ZFPM2: variants seen among roughly 807,000 people sequenced by gnomAD.
ZFPM2 encodes zinc finger protein ZFPM2.
A neutral mutation model predicts 98.6 loss-of-function variants in ZFPM2; 20 were observed. The ratio of observed to expected loss-of-function variants is 0.20; its 90% confidence interval spans 0.14 to 0.29. ZFPM2 has a LOEUF of 0.29. Ranked by LOEUF, ZFPM2 falls within the 10% of genes least tolerant of loss-of-function variation. The pLI is 1.00. For synonymous variants in ZFPM2, 518 were observed against 502.7 expected, an observed-to-expected ratio of 1.03 and a Z score of -0.41; for missense variants, 1,310 against 1,388.6, an observed-to-expected ratio of 0.94 and a Z score of 0.90.
chr8:105,401,741 G>C (rs1388744004), intron 1 of ZFPM2, among the ~76,000 whole-genome samples: 1 of 152,024 alleles, frequency 6.6e-6, no homozygotes, highest in East Asian at 1.9e-4. Context: ...TTTATGAAAA[G>C]GGGTACTTAC....
At chr8:105,762,482 G>T (rs764546927) in intron 5 of ZFPM2, among the ~76,000 whole-genome samples, 2 of 151,840 alleles carry the variant, frequency 1.3e-5, no homozygotes, top group Non-Finnish European at 2.9e-5. Flanking sequence ...CTTCATTTTG[G>T]TGTCACCTAT....
chr8:105,763,238 T>A (rs1203725306), intron 5 of ZFPM2, among the ~76,000 whole-genome samples: 2 of 151,820 alleles, frequency 1.3e-5, no homozygotes, highest in Non-Finnish European at 2.9e-5. Flanking sequence ...ATTTCTAGCA[T>A]ACAGAATATT....
chr8:105,444,955 G>A (rs1409583680), intron 3 of ZFPM2, among the ~76,000 whole-genome samples: 1 of 152,074 alleles, frequency 6.6e-6, no homozygotes, highest in African/African-American at 2.4e-5. Flanking sequence ...ATAAATGTAT[G>A]TAAATATATA....
At chr8:105,400,556 A>G (rs1205337273) in intron 1 of ZFPM2, among the ~76,000 whole-genome samples, 4 of 152,164 alleles carry the variant, frequency 2.6e-5, no homozygotes, top group Non-Finnish European at 2.9e-5. Context: ...TTTATTGTTT[A>G]TTAAATTCTT....
intron 5 of ZFPM2, among the ~76,000 whole-genome samples, chr8:105,639,238 T>C (rs960193560): frequency 1.3e-5 from 2 of 152,116 alleles, no homozygotes; most frequent in Non-Finnish European, 2.9e-5. Context: ...GACCTTTTCA[T>C]ATGAAAAACA....
At chr8:105,491,846 A>G (rs115901115) in intron 3 of ZFPM2, among the ~76,000 whole-genome samples, 107 of 152,364 alleles carry the variant, frequency 7.0e-4, no homozygotes, top group African/African-American at 2.4e-3. Context: ...TATAGATAAT[A>G]TGCAAAAATT....
At chr8:105,477,945 T>C (rs1218868361) in intron 3 of ZFPM2, among the ~76,000 whole-genome samples, 2 of 152,224 alleles carry the variant, frequency 1.3e-5, no homozygotes, top group Non-Finnish European at 2.9e-5. Context: ...AAGGGTTGTA[T>C]TCATCACTTT....
intron 1 of ZFPM2, among the ~76,000 whole-genome samples, chr8:105,350,112 G>A (rs1047419621): frequency 6.6e-6 from 1 of 152,080 alleles, no homozygotes; most frequent in African/African-American, 2.4e-5. Flanking sequence ...TGGTGCAGGA[G>A]GAAAGGATAA....
chr8:105,318,567 C>A lies in ZFPM2; in HGVS notation c.-375C>A. 6.6e-6 allele frequency: 1 copy of A among 151,316 alleles called. No homozygotes were observed. The allele number at this position is 151,316 out of a possible 1,614,324, so 9.4% of individuals were successfully genotyped here. A position where few individuals can be genotyped will look rare whatever the true frequency, so the allele number is the denominator to read the frequency against. On this transcript the variant is annotated 5_prime_UTR_variant, in exon 1 of 8. It adds an upstream start codon to the 5' untranslated region. Coordinates refer to ENST00000407775, the MANE Select transcript of ZFPM2 (RefSeq NM_012082.4). ...CGCCCCCGCGCTCCCCCTCTCCTCG[C>A]TGCTCGCTCTCCCGTCCCTCCCTCC... is the stretch of plus-strand genomic sequence containing the variant.
intron 3 of ZFPM2, among the ~76,000 whole-genome samples, chr8:105,491,449 A>G (rs572261768): frequency 4.6e-5 from 7 of 152,212 alleles, no homozygotes; most frequent in Non-Finnish European, 1.0e-4. Context: ...AACCATGGAT[A>G]AAGACATGTT....
intron 3 of ZFPM2, among the ~76,000 whole-genome samples, chr8:105,513,011 A>G (rs1400535561): frequency 6.6e-6 from 1 of 152,032 alleles, no homozygotes; most frequent in Non-Finnish European, 1.5e-5. Flanking sequence ...AGTTTGTTTT[A>G]AGTGTTAACT....
intron 5 of ZFPM2, among the ~76,000 whole-genome samples, chr8:105,770,151 G>A (rs1431581704): frequency 6.6e-6 from 1 of 151,886 alleles, no homozygotes; most frequent in African/African-American, 2.4e-5. Flanking sequence ...GAGAATACTG[G>A]AAAAAAATTG....
chr8:105,614,554 T>C (rs1586150919), intron 4 of ZFPM2, among the ~76,000 whole-genome samples: 1 of 152,268 alleles, frequency 6.6e-6, no homozygotes, highest in South Asian at 2.1e-4. Context: ...GCATTCATGA[T>C]GTTACTTGTG....
intron 3 of ZFPM2, among the ~76,000 whole-genome samples, chr8:105,546,892 A>G (rs1814718512): frequency 6.6e-6 from 1 of 152,310 alleles, no homozygotes; most frequent in African/African-American, 2.4e-5. Flanking sequence ...TATAAAATTT[A>G]CTTTAATAAT....
At chr8:105,399,209 A>C (rs1586344493) in intron 1 of ZFPM2, among the ~76,000 whole-genome samples, 1 of 152,178 alleles carries the variant, frequency 6.6e-6, no homozygotes, top group East Asian at 1.9e-4. Flanking sequence ...TAGACAGAAG[A>C]CATAAAAGCA....
chr8:105,475,900 G>A (rs1813003786), intron 3 of ZFPM2, among the ~76,000 whole-genome samples: 1 of 152,138 alleles, frequency 6.6e-6, no homozygotes, highest in African/African-American at 2.4e-5. Flanking sequence ...TAAGAAAGTG[G>A]TGCTCAAAAT....
chr8:105,529,948 C>G lies in ZFPM2; in HGVS notation c.302-31415C>G, dbSNP rs564167561. On this transcript the variant is annotated intron_variant, in intron 3 of 7. Transcript: ENST00000407775. ...GTTTCACCATGTTGGTCAGGCTGGT[C>G]TAGAACTCCTGACCTCAAGTGATCC... is the stretch of plus-strand genomic sequence containing the variant. Among the ~76,000 whole-genome samples the G allele has an allele frequency of 2.1e-3, 318 of 152,174 alleles. 2 individuals carry two copies. Among genetic ancestry groups the G allele is most frequent in the Non-Finnish European group, 3.2e-3 (218 of 68,004 alleles).
chr8:105,801,225 C>T lies in ZFPM2; in HGVS notation c.1143C>T (p.His381=), dbSNP rs576319877. Residue 381 remains histidine (H), a synonymous_variant, in exon 8 of 8, where the codon CAC becomes CAT. Transcript: ENST00000407775. ...AGACTCAGAGGGAGTTATTGCAGCA[C>T]CAGGAGCTCCATGTCCCTAGCGGCA... The part of the protein sequence containing the change: ...GFQTQRELLQ[H]QELHVPSGKL... 6.2e-7 allele frequency: 1 copy of T among 1,613,946 alleles called. No individual in the cohort carries two copies. Among genetic ancestry groups the T allele is most frequent in the East Asian group, 2.2e-5 (1 of 44,872 alleles).
chr8:105,691,519 A>T (rs1039848029), intron 5 of ZFPM2, among the ~76,000 whole-genome samples: 5 of 122,082 alleles, frequency 4.1e-5, no homozygotes, highest in African/African-American at 1.7e-4. Flanking sequence ...AAGTGCTGGG[A>T]TTACAGGCGT....
Sources: gnomAD v4.1 joint callset for allele counts (sites outside exome capture counted in the v4.1 genomes callset) on GRCh38, gnomAD v4.1.1 for gene constraint, MANE v1.5 for transcripts, NCBI Gene and HGNC (gene_info 2026-07-23, HGNC 2026-07-21) for gene names.